The following APBA2 variants were observed in gnomAD, a reference collection of about 807,000 sequenced individuals.
The protein encoded by APBA2 is amyloid-beta A4 precursor protein-binding family A member 2.
In APBA2, 30 loss-of-function variants were observed where a neutral mutation model predicts 75.0. The observed-to-expected ratio is 0.40, with a 90% confidence interval of 0.30 to 0.54. The LOEUF (loss-of-function observed/expected upper bound fraction) is 0.54. Among genes scored for constraint, APBA2 ranks in the 20% least tolerant of loss-of-function variants. The pLI is 0.49. For missense variants in APBA2, 801 were observed against 1,016.1 expected (o/e 0.79, Z 2.88); for synonymous variants, 444 against 409.6 (o/e 1.08, Z -1.01).
intron 3 of APBA2, among the ~76,000 whole-genome samples, chr15:29,003,844 A>T (rs1391361297): frequency 6.6e-6 from 1 of 152,208 alleles, no homozygotes; most frequent in Non-Finnish European, 1.5e-5. Context: ...ACCCAGACAG[A>T]TTGTCTGGGA....
intron 3 of APBA2, among the ~76,000 whole-genome samples, chr15:29,015,147 A>G (rs553865015): frequency 9.2e-5 from 14 of 152,290 alleles, no homozygotes; most frequent in African/African-American, 3.4e-4. Context: ...GTCAAGGGAA[A>G]TAAGGAGAAA....
chr15:29,041,828 GA>G (rs2041063045), intron 3 of APBA2, among the ~76,000 whole-genome samples: 1 of 152,160 alleles, frequency 6.6e-6, no homozygotes, highest in Non-Finnish European at 1.5e-5. Context: ...GATCCCTGGT[GA>G]AAAAATATTC....
chr15:28,909,230 T>G (rs1011352838), intron 1 of APBA2, among the ~76,000 whole-genome samples: 1 of 152,058 alleles, frequency 6.6e-6, no homozygotes, highest in African/African-American at 2.4e-5. Context: ...GACCTCGTGA[T>G]CCGCCCGCCT....
intron 1 of APBA2, among the ~76,000 whole-genome samples, chr15:28,902,201 C>T (rs1165004288): frequency 6.6e-6 from 1 of 152,070 alleles, no homozygotes; most frequent in Non-Finnish European, 1.5e-5. Flanking sequence ...GCCTGGGGGC[C>T]ACAGTTGGCG....
rs1216454386 is a variant in APBA2 at position 29,054,866 on chromosome 15, C to T, written c.951+31C>T. 7 of 1,579,034 alleles carry T rather than the reference C, an allele frequency of 4.4e-6. No individual in the cohort carries two copies. Among genetic ancestry groups the T allele is most frequent in the Non-Finnish European group, 6.0e-6 (7 of 1,168,442 alleles). On this transcript the variant is annotated intron_variant, in intron 4 of 14. Coordinates refer to ENST00000683413, the MANE Select transcript of APBA2 (RefSeq NM_001353788.2). The surrounding 1 kb of genome is among the most constrained non-coding windows in gnomAD (Gnocchi z 6.1). ...ACCCTGGCTGTCCTGGGGAAGGGAGCAGAGGGGCCCGAGAGCAAGGGACCT... is the reference window on the plus strand; with the variant it reads ...ACCCTGGCTGTCCTGGGGAAGGGAGTAGAGGGGCCCGAGAGCAAGGGACCT...
At chr15:29,112,629 C>T (rs2152981826) in intron 13 of APBA2, among the ~76,000 whole-genome samples, 1 of 152,300 alleles carries the variant, frequency 6.6e-6, no homozygotes, top group East Asian at 1.9e-4. Context: ...CCCTTCTCTT[C>T]TAGTCCTAAT....
At chr15:29,087,983 G>A (rs774806733) in intron 6 of APBA2, among the ~76,000 whole-genome samples, 1 of 151,954 alleles carries the variant, frequency 6.6e-6, no homozygotes, top group African/African-American at 2.4e-5. Context: ...ACACCACCCC[G>A]CTCTACCTGC....
At chr15:29,077,676 C>G (rs2042909499) in intron 6 of APBA2, among the ~76,000 whole-genome samples, 1 of 152,216 alleles carries the variant, frequency 6.6e-6, no homozygotes, top group Non-Finnish European at 1.5e-5. Flanking sequence ...GCTAAAACTG[C>G]TGTGACCAGC....
intron 2 of APBA2, among the ~76,000 whole-genome samples, chr15:28,946,503 A>G (rs529815690): frequency 6.6e-6 from 1 of 152,196 alleles, no homozygotes; most frequent in Non-Finnish European, 1.5e-5. Context: ...AGCCTCCGTA[A>G]AGAACCAGGC....
chr15:28,926,408 C>T (rs1419031710), intron 2 of APBA2, among the ~76,000 whole-genome samples: 1 of 152,186 alleles, frequency 6.6e-6, no homozygotes, highest in Non-Finnish European at 1.5e-5. Flanking sequence ...TATACCTCCT[C>T]CCATTTAGTA....
chr15:28,915,476 TACAC>T (rs1247096189), intron 1 of APBA2, among the ~76,000 whole-genome samples: 5 of 127,344 alleles, frequency 3.9e-5, no homozygotes, highest in Admixed American at 3.9e-4. Flanking sequence ...ATACCATACA[TACAC>T]ACCCCATACA....
At chr15:29,080,771 C>A (rs551699403) in intron 6 of APBA2, among the ~76,000 whole-genome samples, 1 of 152,274 alleles carries the variant, frequency 6.6e-6, no homozygotes, top group African/African-American at 2.4e-5. Flanking sequence ...AACACGTGCT[C>A]ATTAAAACCA....
chr15:28,913,416 A>C (rs987432231), intron 1 of APBA2, among the ~76,000 whole-genome samples: 10 of 152,142 alleles, frequency 6.6e-5, no homozygotes, highest in African/African-American at 2.2e-4. Context: ...GGGACCTGTC[A>C]GGCCACAGTA....
chr15:29,112,932 C>T (rs886381280), intron 13 of APBA2, among the ~76,000 whole-genome samples: 11 of 152,134 alleles, frequency 7.2e-5, no homozygotes, highest in Admixed American at 6.5e-5. Flanking sequence ...CCAGGTACCT[C>T]ATATCAGTGG....
At chr15:29,037,365 G>T (rs1443249917) in intron 3 of APBA2, among the ~76,000 whole-genome samples, 10 of 152,174 alleles carry the variant, frequency 6.6e-5, no homozygotes, top group African/African-American at 2.4e-4. Flanking sequence ...TGTACAGAAA[G>T]TTAAAGATGG....
intron 3 of APBA2, among the ~76,000 whole-genome samples, chr15:29,003,851 G>C (rs980252852): frequency 6.6e-6 from 1 of 152,194 alleles, no homozygotes; most frequent in African/African-American, 2.4e-5. Flanking sequence ...CAGATTGTCT[G>C]GGATGATCTC....
chr15:29,085,482 AC>A (rs1369855290), intron 6 of APBA2, among the ~76,000 whole-genome samples: 1 of 146,688 alleles, frequency 6.8e-6, no homozygotes, highest in Admixed American at 7.0e-5. Context: ...CCGAGATTGC[AC>A]CACTGCACTC....
At chr15:29,044,259 G>A (rs1343603564) in intron 3 of APBA2, 1 of 152,158 alleles carries the variant, frequency 6.6e-6, no homozygotes, top group African/African-American at 2.4e-5. Context: ...TAAGGACACT[G>A]GAGCTCTTTA....
intron 2 of APBA2, among the ~76,000 whole-genome samples, chr15:28,979,537 T>C (rs2037513676): frequency 6.6e-6 from 1 of 152,232 alleles, no homozygotes. Flanking sequence ...TTTGGAATCC[T>C]TCTCTTGAGG....
Sources: allele counts gnomAD v4.1 joint callset (sites outside exome capture counted in the v4.1 genomes callset), GRCh38; gene constraint gnomAD v4.1.1; non-coding constraint Gnocchi (gnomAD v3.1); transcripts MANE v1.5; gene names NCBI Gene and HGNC (gene_info 2026-07-23, HGNC 2026-07-21).